Variants in BCAS3 observed in about 807,000 individuals in gnomAD.
The protein encoded by BCAS3 is BCAS3 microtubule associated cell migration factor.
A neutral mutation model predicts 116.1 loss-of-function variants in BCAS3; 53 were observed. The observed-to-expected ratio is 0.46, with a 90% CI of 0.37 to 0.57. The LOEUF (loss-of-function observed/expected upper bound fraction) is 0.57. BCAS3 is among the 20% of genes least tolerant of loss of function. BCAS3 has a pLI of 0.00. For missense variants in BCAS3, 917 were observed against 1,165.4 expected (o/e 0.79, Z 3.10); for synonymous variants, 391 against 408.2 (o/e 0.96, Z 0.51).
chr17:61,257,367 G>C (rs564989848), intron 22 of BCAS3, among the ~76,000 whole-genome samples: 2 of 137,914 alleles, frequency 1.5e-5, no homozygotes, highest in South Asian at 4.6e-4. Context: ...GTTGCAGTGA[G>C]CCTTGATCAC....
At chr17:60,833,896 A>G (rs571310740) in intron 7 of BCAS3, among the ~76,000 whole-genome samples, 1 of 152,286 alleles carries the variant, frequency 6.6e-6, no homozygotes, top group South Asian at 2.1e-4. Flanking sequence ...TCTGTCTACT[A>G]TGAAAAGTAA....
chr17:61,240,101 G>A (rs1320510296), intron 22 of BCAS3, among the ~76,000 whole-genome samples: 1 of 150,434 alleles, frequency 6.6e-6, no homozygotes, highest in Admixed American at 6.6e-5. Context: ...TAACCATGCT[G>A]TCTCAACAGC....
At chr17:60,937,255 C>G (rs2059983775) in intron 13 of BCAS3, among the ~76,000 whole-genome samples, 1 of 151,492 alleles carries the variant, frequency 6.6e-6, no homozygotes, top group Admixed American at 6.6e-5. Flanking sequence ...ATATCCTTCT[C>G]TGAATGGTGC....
Position 61,130,400 on chromosome 17 carries a change from C to A in BCAS3, c.2425+45836C>A, listed in dbSNP as rs966952821. ...CCACAATACAACCCAAGACCCCAAT[C>A]ATTAGAATAACCACAAAACCGATTC... is the stretch of plus-strand genomic sequence containing the variant. On this transcript the variant is annotated intron_variant, in intron 22 of 23. Coordinates refer to ENST00000407086, the MANE Select transcript of BCAS3 (RefSeq NM_017679.5). This position sits in a 1 kb window ranked among gnomAD's most constrained non-coding sequence, Gnocchi z 5.0. 6.6e-6 allele frequency among the ~76,000 whole-genome samples: 1 copy of A among 152,152 alleles called. No homozygotes were observed. Among genetic ancestry groups the A allele is most frequent in the African/African-American group, 2.4e-5 (1 of 41,426 alleles).
Position 61,077,879 on chromosome 17 carries a change from G to T in BCAS3, c.2131-454G>T, listed in dbSNP as rs934728044. ...AAGAACAACTTCACGTTTGTCATAA[G>T]CTTGATCCTCAGTGAAGGAATTGCT... On this transcript the variant is annotated intron_variant, in intron 20 of 23. Transcript: ENST00000407086. This position sits in a 1 kb window ranked among gnomAD's most constrained non-coding sequence, Gnocchi z 4.3. Among the ~76,000 whole-genome samples the T allele has an allele frequency of 6.6e-6, 1 of 152,144 alleles. No individual in the cohort carries two copies. The highest frequency in any genetic ancestry group is 2.4e-5 in the African/African-American group (1 of 41,434).
intron 8 of BCAS3, among the ~76,000 whole-genome samples, chr17:60,874,140 C>T (rs550596901): frequency 2.0e-5 from 3 of 150,246 alleles, no homozygotes; most frequent in African/African-American, 7.4e-5. Flanking sequence ...GATCGTAGCT[C>T]CCTGCAGTCT....
chr17:61,385,779 A>G (rs1273472475), intron 23 of BCAS3, among the ~76,000 whole-genome samples: 1 of 152,218 alleles, frequency 6.6e-6, no homozygotes, highest in Non-Finnish European at 1.5e-5. Context: ...GGAAAAATCG[A>G]TGCATGTCAA....
At chr17:61,119,586 A>G (rs1166266773) in intron 22 of BCAS3, among the ~76,000 whole-genome samples, 1 of 152,114 alleles carries the variant, frequency 6.6e-6, no homozygotes, top group Admixed American at 6.5e-5. Context: ...TTTAATATGA[A>G]ATACTCTTGG....
At chr17:60,711,702 ATTTT>A (rs58579522) in intron 5 of BCAS3, among the ~76,000 whole-genome samples, 1 of 150,556 alleles carries the variant, frequency 6.6e-6, no homozygotes, top group Non-Finnish European at 1.5e-5. Context: ...GACTTGAATA[ATTTT>A]TTTTTTGATA....
chr17:60,875,206 A>G (rs1293197595), intron 9 of BCAS3, among the ~76,000 whole-genome samples: 1 of 152,154 alleles, frequency 6.6e-6, no homozygotes, highest in Non-Finnish European at 1.5e-5. Flanking sequence ...AATCTTCAAT[A>G]CTGTTAAATA....
At chr17:60,709,767 A>G (rs1319712939) in intron 5 of BCAS3, among the ~76,000 whole-genome samples, 5 of 152,240 alleles carry the variant, frequency 3.3e-5, no homozygotes, top group African/African-American at 1.2e-4. Flanking sequence ...TGTAATTTTG[A>G]TATATGTTTT....
intron 22 of BCAS3, among the ~76,000 whole-genome samples, chr17:61,306,220 G>A (rs2053846581): frequency 6.6e-6 from 1 of 152,150 alleles, no homozygotes; most frequent in Admixed American, 6.5e-5. Flanking sequence ...GTGATCTTGG[G>A]TACATTCCTT....
At chr17:60,703,988 C>T (rs952527855) in intron 4 of BCAS3, among the ~76,000 whole-genome samples, 2 of 150,244 alleles carry the variant, frequency 1.3e-5, no homozygotes, top group African/African-American at 4.9e-5. Flanking sequence ...TGAGAAAAAG[C>T]GAAGTCATTA....
In BCAS3 at chr17:60,960,982, C is replaced by T. The variant is rs2061385214; in HGVS notation, c.1221+13630C>T. Reference sequence around the variant, plus strand: ...CTGCTGATTGAGTGGATCCATGAAACACATGCCTGATGTCTTCAGCAGAAT... The same window carrying T: ...CTGCTGATTGAGTGGATCCATGAAATACATGCCTGATGTCTTCAGCAGAAT... On this transcript the variant is annotated intron_variant, in intron 14 of 23. Transcript: ENST00000407086. The surrounding 1 kb of genome is among the most constrained non-coding windows in gnomAD (Gnocchi z 4.1). Among the ~76,000 whole-genome samples the T allele has an allele frequency of 2.0e-5, 3 of 151,968 alleles. No individual in the cohort carries two copies. Among genetic ancestry groups the T allele is most frequent in the African/African-American group, 7.2e-5 (3 of 41,400 alleles).
chr17:61,009,859 A>C (rs531701982), intron 15 of BCAS3, among the ~76,000 whole-genome samples: 9 of 152,146 alleles, frequency 5.9e-5, no homozygotes, highest in Non-Finnish European at 1.3e-4. Flanking sequence ...ACAGAGGGTA[A>C]AGATAAAACA....
chr17:61,373,122 G>A (rs1024472824), intron 23 of BCAS3, among the ~76,000 whole-genome samples: 9 of 148,872 alleles, frequency 6.0e-5, no homozygotes, highest in South Asian at 2.1e-4. Flanking sequence ...ACGGAGTTTC[G>A]CTCTGTTGTC....
At chr17:60,886,874 T>G (rs1233942089) in intron 9 of BCAS3, 2 of 150,860 alleles carry the variant, frequency 1.3e-5, no homozygotes, top group African/African-American at 2.4e-5. Flanking sequence ...CATTTAAGTC[T>G]GCAGAGGTTA....
rs572593280 is a variant in BCAS3, at chr17:61,220,080, G to A, written c.2425+135516G>A. Among the ~76,000 whole-genome samples the A allele has an allele frequency of 6.6e-6, 1 of 152,254 alleles. No individual in the cohort carries two copies. Among genetic ancestry groups the A allele is most frequent in the South Asian group, 2.1e-4 (1 of 4,828 alleles). ...GGAGGTTGAGGTGGGCAGATCACAC[G>A]GTCAGGAGTTTGAGACCAGCCTGGC... On this transcript the variant is annotated intron_variant, in intron 22 of 23. Coordinates refer to ENST00000407086, the MANE Select transcript of BCAS3 (RefSeq NM_017679.5). This position sits in a 1 kb window ranked among gnomAD's most constrained non-coding sequence, Gnocchi z 4.5.
intron 6 of BCAS3, 130 bp downstream of exon 6, chr17:60,747,409 C>G: frequency 1.5e-6 from 1 of 678,246 alleles, no homozygotes; most frequent in Non-Finnish European, 2.5e-6. Flanking sequence ...TCCCCACCTC[C>G]CCCAAAGATA....
Sources: gnomAD v4.1 joint callset for allele counts (sites outside exome capture counted in the v4.1 genomes callset) on GRCh38, gnomAD v4.1.1 for gene constraint, Gnocchi (gnomAD v3.1) non-coding constraint, MANE v1.5 for transcripts, NCBI Gene and HGNC (gene_info 2026-07-23, HGNC 2026-07-21) for gene names.